The following CYCS variants were observed in gnomAD, a reference collection of about 807,000 sequenced individuals.
CYCS encodes the protein cytochrome c.
For missense variants in CYCS, 87 were observed against 125.3 expected, an observed-to-expected ratio of 0.69 and a Z score of 1.46; for synonymous variants, 41 against 43.0, an observed-to-expected ratio of 0.95 and a Z score of 0.18.
chr7:25,124,124 A>C lies in CYCS; in HGVS notation c.-5T>G. The C allele has an allele frequency of 6.2e-7, 1 of 1,612,384 alleles. No individual in the cohort carries two copies. Among genetic ancestry groups the C allele is most frequent in the East Asian group, 2.2e-5 (1 of 44,886 alleles). The stretch of plus-strand genomic sequence containing the variant: ...GCCTTTCTCAACATCACCCATATTT[A>C]ATTCTAAAAACGAAAGCTTCAACTT... On this transcript the variant is annotated 5_prime_UTR_variant, in exon 2 of 3. In the 5' UTR this introduces an upstream ATG that the reference lacks. Coordinates refer to ENST00000305786, the MANE Select transcript of CYCS (RefSeq NM_018947.6).
Position 25,122,051 on chromosome 7 carries a change from T to G in CYCS, c.*1650A>C, listed in dbSNP as rs2128577176. On this transcript the variant is annotated 3_prime_UTR_variant, in exon 3 of 3. Coordinates refer to ENST00000305786, the MANE Select transcript of CYCS (RefSeq NM_018947.6). ...AAAAAAAAAAATCAACTCTCTAGCC[T>G]TCACTTCAGGTCTTTCTCATTAGTC... 1 of 151,474 alleles carries G rather than the reference T, an allele frequency of 6.6e-6. No homozygotes were observed. The highest frequency in any genetic ancestry group is 1.9e-4 in the East Asian group (1 of 5,146). The allele number at this position is 151,474 out of a possible 1,614,324, so 9.4% of individuals were successfully genotyped here.
chr7:25,124,992 A>G (rs1275633195), intron 1 of CYCS: 1 of 152,384 alleles, frequency 6.6e-6, no homozygotes, highest in Admixed American at 6.5e-5. Flanking sequence ...GACCGAGACC[A>G]TACCTGTCCC....
rs1783354103 is a variant in CYCS at position 25,120,996 on chromosome 7, T to C, written c.*2705A>G. The C allele has an allele frequency of 6.6e-6, 1 of 152,168 alleles. No individual in the cohort carries two copies. The highest frequency in any genetic ancestry group is 2.1e-4 in the South Asian group (1 of 4,832). 9.4% of individuals were successfully genotyped at this position (152,168 alleles called of 1,614,324 possible). A position where few individuals can be genotyped will look rare whatever the true frequency, so the allele number is the denominator to read the frequency against. On this transcript the variant is annotated 3_prime_UTR_variant, in exon 3 of 3. Transcript: ENST00000305786. ...AAAATAAGCTGGGCATGGTGGCGCATGCTTGTAATCCCAGCTACTTGAGAG... is the reference window on the plus strand; with the variant it reads ...AAAATAAGCTGGGCATGGTGGCGCACGCTTGTAATCCCAGCTACTTGAGAG...
intron 2 of CYCS, 48 bp from the exon 3 acceptor site, chr7:25,123,897 C>T (rs764156675): frequency 1.2e-6 from 2 of 1,614,066 alleles, no homozygotes; most frequent in East Asian, 2.2e-5. Context: ...TGATAGTTTG[C>T]CACATGTTAT....
chr7:25,119,379 C>G lies in CYCS; in HGVS notation c.*4322G>C, dbSNP rs181786378. 2.0e-5 allele frequency among the ~76,000 whole-genome samples: 3 copies of G among 150,852 alleles called. No individual in the cohort carries two copies. Among genetic ancestry groups the G allele is most frequent in the African/African-American group, 7.3e-5 (3 of 40,902 alleles). ...GCAACCCCCATCTCCCAGGTTCAAG[C>G]GATTCTCCTGCCTCAGCCTCTCAAA... On this transcript the variant is annotated 3_prime_UTR_variant, in exon 3 of 3. Transcript: ENST00000305786.
Position 25,123,968 on chromosome 7 carries a change from G to A in CYCS, c.152C>T (p.Ala51Val), listed in dbSNP as rs775258821. ...ACTCTTACCTTTGTTCTTATTGGCG[G>A]CTGTGTAAGAGTATCCAGGGGCCTG... is the stretch of plus-strand genomic sequence containing the variant. ...TGQAPGYSYT[A>V]ANKNKGIIWG... The change falls in exon 2 of 3, where the codon GCC (alanine) becomes GTC (valine). Residue 51 changes from alanine (A) to valine (V), a missense_variant. Physicochemically the swap from Ala to Val is moderately conservative, Grantham distance 64. Coordinates refer to ENST00000305786, the MANE Select transcript of CYCS (RefSeq NM_018947.6). 2.5e-6 allele frequency: 4 copies of A among 1,614,006 alleles called. No homozygotes were observed. The highest frequency in any genetic ancestry group is 2.5e-6 in the Non-Finnish European group (3 of 1,180,038).
rs868242183 is a variant in CYCS, at chr7:25,122,358, T to C, written c.*1343A>G. ...ATCGTCCCTATCACCTTTGAGACCA[T>C]GGATTCACATCTTCTCAGTCTTCTC... On this transcript the variant is annotated 3_prime_UTR_variant, in exon 3 of 3. Coordinates refer to ENST00000305786, the MANE Select transcript of CYCS (RefSeq NM_018947.6). The C allele has an allele frequency of 1.3e-5, 2 of 152,246 alleles. No homozygotes were observed. The highest frequency in any genetic ancestry group is 2.1e-4 in the South Asian group (1 of 4,836). The allele number at this position is 152,246 out of a possible 1,614,324, so 9.4% of individuals were successfully genotyped here.
chr7:25,121,179 G>A lies in CYCS; in HGVS notation c.*2522C>T, dbSNP rs2128576969. On this transcript the variant is annotated 3_prime_UTR_variant, in exon 3 of 3. Transcript: ENST00000305786. ...ACATTTTAAACCACCAGAAGTGCTT[G>A]GGTATAACTGACCTAGAACATGGCA... 1 of 152,232 alleles carries A rather than the reference G, an allele frequency of 6.6e-6. No homozygotes were observed. Among genetic ancestry groups the A allele is most frequent in the East Asian group, 1.9e-4 (1 of 5,172 alleles). The allele number at this position is 152,232 out of a possible 1,614,324, so 9.4% of individuals were successfully genotyped here. A position where few individuals can be genotyped will look rare whatever the true frequency, so the allele number is the denominator to read the frequency against.
At chr7:25,124,399 A>G (rs1783412383) in intron 1 of CYCS, among the ~76,000 whole-genome samples, 1 of 152,242 alleles carries the variant, frequency 6.6e-6, no homozygotes. Context: ...TTCAAACTCC[A>G]GTTTCAGAAG....
Position 25,119,542 on chromosome 7 carries a change from C to T in CYCS, c.*4159G>A, listed in dbSNP as rs934041155. Among the ~76,000 whole-genome samples, 5 of 150,492 alleles carry T rather than the reference C, an allele frequency of 3.3e-5. No individual in the cohort carries two copies. Among genetic ancestry groups the T allele is most frequent in the Admixed American group, 6.6e-5 (1 of 15,040 alleles). On this transcript the variant is annotated 3_prime_UTR_variant, in exon 3 of 3. Coordinates refer to ENST00000305786, the MANE Select transcript of CYCS (RefSeq NM_018947.6). ...CTGCCTGCCTTGGCCTCCCAAAGTG[C>T]TGGGATTGCAGGCATGACCTACTGC... is the stretch of plus-strand genomic sequence containing the variant.
Position 25,118,928 on chromosome 7 carries a change from C to T in CYCS, c.*4773G>A, listed in dbSNP as rs1043799421. On this transcript the variant is annotated 3_prime_UTR_variant, in exon 3 of 3. Coordinates refer to ENST00000305786, the MANE Select transcript of CYCS (RefSeq NM_018947.6). ...TCTGAGGGAAATGATAGCCTGAAGGCATGACGTTTTCAAATACCCCAAACT... is the reference window on the plus strand; with the variant it reads ...TCTGAGGGAAATGATAGCCTGAAGGTATGACGTTTTCAAATACCCCAAACT... Among the ~76,000 whole-genome samples the T allele has an allele frequency of 6.6e-6, 1 of 152,180 alleles. No individual in the cohort carries two copies. Among genetic ancestry groups the T allele is most frequent in the African/African-American group, 2.4e-5 (1 of 41,430 alleles).
Position 25,122,329 on chromosome 7 carries a change from T to G in CYCS, c.*1372A>C, listed in dbSNP as rs748559314. ...TTGCTTTCAGGCCTTAAAACACCTA[T>G]CTAATCGTCCCTATCACCTTTGAGA... On this transcript the variant is annotated 3_prime_UTR_variant, in exon 3 of 3. Transcript: ENST00000305786. The G allele has an allele frequency of 3.9e-5, 6 of 152,224 alleles. No homozygotes were observed. Among genetic ancestry groups the G allele is most frequent in the Non-Finnish European group, 7.3e-5 (5 of 68,046 alleles). 9.4% of individuals were successfully genotyped at this position (152,224 alleles called of 1,614,324 possible).
rs1327617670 is a variant in CYCS, at chr7:25,125,254, ACTCT to A, written c.-67_-64del. The A allele has an allele frequency of 6.6e-6, 1 of 152,366 alleles. No individual in the cohort carries two copies. The highest frequency in any genetic ancestry group is 1.9e-4 in the East Asian group (1 of 5,168). The allele number at this position is 152,366 out of a possible 1,614,324, so 9.4% of individuals were successfully genotyped here. ...TCCCGCTCCGAAGCCGGACGTCCCC[ACTCT>A]CTAAGTCCAAGGACACGCCGGTCCG... On this transcript the variant is annotated 5_prime_UTR_variant, in exon 1 of 3. Coordinates refer to ENST00000305786, the MANE Select transcript of CYCS (RefSeq NM_018947.6).
rs547743254 is a variant in CYCS at position 25,121,169 on chromosome 7, A to T, written c.*2532T>A. The stretch of plus-strand genomic sequence containing the variant: ...TTACAGAATCACATTTTAAACCACC[A>T]GAAGTGCTTGGGTATAACTGACCTA... On this transcript the variant is annotated 3_prime_UTR_variant, in exon 3 of 3. Coordinates refer to ENST00000305786, the MANE Select transcript of CYCS (RefSeq NM_018947.6). 1 of 152,318 alleles carries T rather than the reference A, an allele frequency of 6.6e-6. No individual in the cohort carries two copies. The highest frequency in any genetic ancestry group is 2.1e-4 in the South Asian group (1 of 4,822). 9.4% of individuals were successfully genotyped at this position (152,318 alleles called of 1,614,324 possible).
chr7:25,124,476 ACAACCG>A lies in CYCS; in HGVS notation c.-8-355_-8-350del, dbSNP rs1783413418. On this transcript the variant is annotated intron_variant, in intron 1 of 2. Coordinates refer to ENST00000305786, the MANE Select transcript of CYCS (RefSeq NM_018947.6). ...GCGAACACATTAAGCCAAAATCACC[ACAACCG>A]CAACTTTTAAAAAGACCTAACCATT... is the stretch of plus-strand genomic sequence containing the variant. Among the ~76,000 whole-genome samples the A allele has an allele frequency of 3.9e-5, 6 of 152,338 alleles. No homozygotes were observed. The South Asian group carries it at 1.2e-3, about 32-fold the overall frequency.
In CYCS at chr7:25,119,464, T is replaced by C. The variant is rs1184026740; in HGVS notation, c.*4237A>G. On this transcript the variant is annotated 3_prime_UTR_variant, in exon 3 of 3. Transcript: ENST00000305786. ...CTAGTTTTTATATTTTTGGTAGAGA[T>C]GGGGTTTCACCATGTTGGCCAGGCT... Among the ~76,000 whole-genome samples the C allele has an allele frequency of 6.6e-6, 1 of 152,056 alleles. No homozygotes were observed. Among genetic ancestry groups the C allele is most frequent in the Admixed American group, 6.6e-5 (1 of 15,266 alleles).
Position 25,122,440 on chromosome 7 carries a change from A to T in CYCS, c.*1261T>A, listed in dbSNP as rs1783378201. ...ACCAGCATAGATTTATTTTCTCATT[A>T]TTCTTTATGACTTACCTTGTGCTCA... On this transcript the variant is annotated 3_prime_UTR_variant, in exon 3 of 3. Transcript: ENST00000305786. 1.3e-5 allele frequency: 2 copies of T among 152,204 alleles called. No homozygotes were observed. Among genetic ancestry groups the T allele is most frequent in the Non-Finnish European group, 2.9e-5 (2 of 68,042 alleles). 9.4% of individuals were successfully genotyped at this position (152,204 alleles called of 1,614,324 possible). A position where few individuals can be genotyped will look rare whatever the true frequency, so the allele number is the denominator to read the frequency against.
In CYCS at chr7:25,122,817, G is replaced by A. The variant is rs1042418666; in HGVS notation, c.*884C>T. On this transcript the variant is annotated 3_prime_UTR_variant, in exon 3 of 3. Transcript: ENST00000305786. Reference sequence around the variant, plus strand: ...TGCATCAGTCATGAAATCAAGCACAGTCAAAAAGTCATGATCTGTGGTTTT... The same window carrying A: ...TGCATCAGTCATGAAATCAAGCACAATCAAAAAGTCATGATCTGTGGTTTT... 1 of 152,234 alleles carries A rather than the reference G, an allele frequency of 6.6e-6. No individual in the cohort carries two copies. The highest frequency in any genetic ancestry group is 2.4e-5 in the African/African-American group (1 of 41,472). The allele number at this position is 152,234 out of a possible 1,614,324, so 9.4% of individuals were successfully genotyped here.
chr7:25,124,888 G>A (rs1416352296), intron 1 of CYCS: 1 of 152,458 alleles, frequency 6.6e-6, no homozygotes, highest in African/African-American at 2.4e-5. Flanking sequence ...TTCCAGGAGG[G>A]AAGTCTTGCC....
Sources: allele counts gnomAD v4.1 joint callset (sites outside exome capture counted in the v4.1 genomes callset), GRCh38; gene constraint gnomAD v4.1.1; transcripts MANE v1.5; gene names NCBI Gene and HGNC (gene_info 2026-07-23, HGNC 2026-07-21).